Variants in CRYL1 observed in about 807,000 individuals in gnomAD.
The protein encoded by CRYL1 is lambda-crystallin homolog.
CRYL1 carries 29 observed loss-of-function variants against 36.6 expected under a neutral mutation model. The observed-to-expected ratio is 0.79, with a 90% CI of 0.59 to 1.08. The LOEUF (loss-of-function observed/expected upper bound fraction) is 1.08. CRYL1 is among the 50% of genes least tolerant of loss of function. The pLI is 0.00. For missense variants in CRYL1, 411 were observed against 407.9 expected (o/e 1.01, Z -0.06); for synonymous variants, 152 against 151.5 (o/e 1.00, Z -0.02).
chr13:20,493,657 CAGAAGA>C (rs890914788), intron 2 of CRYL1, among the ~76,000 whole-genome samples: 8 of 151,732 alleles, frequency 5.3e-5, no homozygotes, highest in Non-Finnish European at 1.2e-4. Flanking sequence ...TAAACTCCAT[CAGAAGA>C]AGAAGAAGAA....
chr13:20,477,782 T>G (rs1367913900), intron 3 of CRYL1, among the ~76,000 whole-genome samples: 1 of 146,126 alleles, frequency 6.8e-6, no homozygotes, highest in Non-Finnish European at 1.5e-5. Flanking sequence ...GTATAATAGA[T>G]AATATATAAT....
intron 3 of CRYL1, among the ~76,000 whole-genome samples, chr13:20,460,090 C>T (rs961886145): frequency 1.3e-5 from 2 of 152,174 alleles, no homozygotes; most frequent in Non-Finnish European, 2.9e-5. Flanking sequence ...GCCCCTCACC[C>T]TTAATATCTC....
chr13:20,433,974 T>A (rs1444405821), intron 4 of CRYL1: 1 of 153,338 alleles, frequency 6.5e-6, no homozygotes, highest in Non-Finnish European at 1.5e-5. Flanking sequence ...TACACCTGCA[T>A]GTCTCACACA....
chr13:20,420,701 T>TTTTTTTTTTTTTTTTTG, intron 5 of CRYL1, among the ~76,000 whole-genome samples: 640 of 21,782 alleles, frequency 0.029, 85 homozygotes, highest in Middle Eastern at 0.11. Context: ...AAAATAGAGG[T>TTTTTTTTTTTTTTTTTG]TGTGTGTGTG....
intron 3 of CRYL1, among the ~76,000 whole-genome samples, chr13:20,456,444 C>T (rs1228026716): frequency 6.8e-6 from 1 of 146,566 alleles, no homozygotes; most frequent in Admixed American, 6.9e-5. Flanking sequence ...CACTGCACTC[C>T]ATCCTGGGTG....
rs2033272095 is a variant in CRYL1, at chr13:20,481,385, A to G, written c.276+7985T>C. 6.6e-6 allele frequency among the ~76,000 whole-genome samples: 1 copy of G among 152,212 alleles called. No individual in the cohort carries two copies. The highest frequency in any genetic ancestry group is 1.5e-5 in the Non-Finnish European group (1 of 68,038). On this transcript the variant is annotated intron_variant, in intron 3 of 7. Transcript: ENST00000298248. The surrounding 1 kb of genome is among the most constrained non-coding windows in gnomAD (Gnocchi z 4.1). ...TTTTACATAACATTCTGGAGAAGGC[A>G]AAACTATAGGGACAAAGAACAGATC...
At chr13:20,454,584 AT>A (rs955053577) in intron 3 of CRYL1, among the ~76,000 whole-genome samples, 9 of 151,940 alleles carry the variant, frequency 5.9e-5, no homozygotes, top group African/African-American at 1.9e-4. Context: ...CACCCGGCTA[AT>A]TTTTTTCGTA....
At chr13:20,436,063 C>T (rs933148188) in intron 4 of CRYL1, among the ~76,000 whole-genome samples, 6 of 152,312 alleles carry the variant, frequency 3.9e-5, no homozygotes, top group African/African-American at 1.4e-4. Context: ...TATTTACCAC[C>T]AATACCAGGG....
intron 3 of CRYL1, among the ~76,000 whole-genome samples, chr13:20,461,203 T>C (rs982813001): frequency 1.3e-5 from 2 of 152,258 alleles, no homozygotes; most frequent in Admixed American, 6.5e-5. Context: ...CTTACTGAGT[T>C]ATATTTTTTA....
intron 3 of CRYL1, among the ~76,000 whole-genome samples, chr13:20,479,116 C>T (rs775397381): frequency 2.0e-5 from 3 of 152,080 alleles, no homozygotes; most frequent in Admixed American, 6.5e-5. Context: ...TTTGAGATTC[C>T]GTTTAAGTTT....
intron 1 of CRYL1, among the ~76,000 whole-genome samples, chr13:20,518,595 A>T (rs888283220): frequency 6.6e-6 from 1 of 152,192 alleles, no homozygotes; most frequent in Non-Finnish European, 1.5e-5. Flanking sequence ...GTTGGCTAAT[A>T]GAAGGTTTTA....
chr13:20,489,208 G>A (rs2033458933), intron 3 of CRYL1, among the ~76,000 whole-genome samples, 162 bp downstream of exon 3: 1 of 152,182 alleles, frequency 6.6e-6, no homozygotes, highest in South Asian at 2.1e-4. Context: ...GATAGAGGGT[G>A]TTTTGGGGAT....
intron 2 of CRYL1, among the ~76,000 whole-genome samples, chr13:20,494,676 A>G (rs749703776): frequency 6.6e-5 from 10 of 152,240 alleles, no homozygotes; most frequent in Non-Finnish European, 1.2e-4. Flanking sequence ...TCCCAAAAGT[A>G]CTGCATGAGA....
chr13:20,494,770 A>C (rs776230404), intron 2 of CRYL1, among the ~76,000 whole-genome samples: 2 of 152,242 alleles, frequency 1.3e-5, no homozygotes, highest in Non-Finnish European at 2.9e-5. Flanking sequence ...CCATGGAGAC[A>C]GCAAGCAGTG....
chr13:20,468,375 A>G (rs1437310300), intron 3 of CRYL1, among the ~76,000 whole-genome samples: 1 of 152,088 alleles, frequency 6.6e-6, no homozygotes, highest in Non-Finnish European at 1.5e-5. Flanking sequence ...GACCCTCCCA[A>G]CTCAGCCTCC....
intron 5 of CRYL1, chr13:20,430,484 G>A (rs140724869): frequency 2.0e-6 from 2 of 985,396 alleles, no homozygotes; most frequent in Admixed American, 6.1e-5. Context: ...GACCCATGAA[G>A]AGGGACAACC....
chr13:20,441,344 T>A (rs1004350133), intron 3 of CRYL1, among the ~76,000 whole-genome samples: 3 of 152,170 alleles, frequency 2.0e-5, no homozygotes, highest in Non-Finnish European at 4.4e-5. Context: ...TCCCTGATGA[T>A]TCCTGTTCCC....
chr13:20,512,356 C>T, intron 2 of CRYL1, 87 bp downstream of exon 2: 1 of 940,758 alleles, frequency 1.1e-6, no homozygotes, highest in Non-Finnish European at 1.7e-6. Flanking sequence ...ATCACAGATC[C>T]TCATAGCCTT....
At position 20,481,647 on chromosome 13, in the gene CRYL1, A is replaced by G. The variant is rs2033278882; in HGVS notation, c.276+7723T>C. Among the ~76,000 whole-genome samples the G allele has an allele frequency of 6.6e-6, 1 of 152,052 alleles. No homozygotes were observed. Among genetic ancestry groups the G allele is most frequent in the Non-Finnish European group, 1.5e-5 (1 of 68,014 alleles). ...CACGTATGGCCATGCGTGGTGGCTC[A>G]CTCCTGTAATTCCAGCACTTTGGGA... is the stretch of plus-strand genomic sequence containing the variant. On this transcript the variant is annotated intron_variant, in intron 3 of 7. Coordinates refer to ENST00000298248, the MANE Select transcript of CRYL1 (RefSeq NM_015974.3). This position sits in a 1 kb window ranked among gnomAD's most constrained non-coding sequence, Gnocchi z 4.1.
Sources: allele counts gnomAD v4.1 joint callset (sites outside exome capture counted in the v4.1 genomes callset), GRCh38; gene constraint gnomAD v4.1.1; non-coding constraint Gnocchi (gnomAD v3.1); transcripts MANE v1.5; gene names NCBI Gene and HGNC (gene_info 2026-07-23, HGNC 2026-07-21).